The following ISM1 variants were observed in gnomAD, a reference collection of about 807,000 sequenced individuals.
The protein encoded by ISM1 is isthmin 1.
ISM1 carries 25 observed loss-of-function variants against 46.3 expected under a neutral mutation model. That is an observed-to-expected ratio of 0.54 (90% CI 0.39 to 0.75). The LOEUF is 0.75. Among genes scored for constraint, ISM1 ranks in the 30% least tolerant of loss-of-function variants. The pLI is 0.00. For missense variants in ISM1, 536 were observed against 625.4 expected, an observed-to-expected ratio of 0.86 and a Z score of 1.52; for synonymous variants, 255 against 256.7, an observed-to-expected ratio of 0.99 and a Z score of 0.06.
In ISM1 at chr20:13,242,420, T is replaced by C. The variant is rs1302889567; in HGVS notation, c.138+20506T>C. Among the ~76,000 whole-genome samples, 3 of 152,274 alleles carry C rather than the reference T, an allele frequency of 2.0e-5. No individual in the cohort carries two copies. The East Asian group carries it at 5.8e-4, about 29-fold the overall frequency. Reference sequence around the variant, plus strand: ...GGAAGAAAAAGTCAGGAGTTAGCCATGGAACCAAGAAGATCCAGGAGAAGG... The same window carrying C: ...GGAAGAAAAAGTCAGGAGTTAGCCACGGAACCAAGAAGATCCAGGAGAAGG... On this transcript the variant is annotated intron_variant, in intron 1 of 5. Coordinates refer to ENST00000262487, the MANE Select transcript of ISM1 (RefSeq NM_080826.2).
intron 1 of ISM1, among the ~76,000 whole-genome samples, chr20:13,235,103 A>C (rs969525563): frequency 3.9e-5 from 6 of 152,194 alleles, no homozygotes; most frequent in Non-Finnish European, 8.8e-5. Context: ...AACGGTCTGC[A>C]ATTATAAGCA....
Position 13,292,389 on chromosome 20 carries a change from T to A in ISM1, c.803T>A (p.Phe268Tyr), listed in dbSNP as rs1194624077. 9.4e-6 allele frequency: 15 copies of A among 1,602,942 alleles called. No individual in the cohort carries two copies. Among genetic ancestry groups the A allele is most frequent in the Non-Finnish European group, 1.3e-5 (15 of 1,174,264 alleles). ...RPNCPGIEDTFRTAATEVSLL... is the reference protein window; with the variant it reads ...RPNCPGIEDTYRTAATEVSLL... ...CTGTGTTTAGGAATTGAAGACACTT[T>A]TAGGACAGCTGCCACCGAAGTGAGT... The change falls in exon 5 of 6, where the codon TTT becomes TAT. Residue 268 changes from phenylalanine (F) to tyrosine (Y), a missense_variant. By Grantham distance (22) the Phe-to-Tyr change is conservative (BLOSUM62 3). This residue lies in a region of ISM1 where 367 missense variants were observed against 376.1 expected (regional missense o/e 0.98). Transcript: ENST00000262487.
At chr20:13,231,978 A>C (rs1337196338) in intron 1 of ISM1, among the ~76,000 whole-genome samples, 1 of 152,190 alleles carries the variant, frequency 6.6e-6, no homozygotes, top group Admixed American at 6.5e-5. Flanking sequence ...GAATGCAGAG[A>C]AGGTGGAAAT....
intron 1 of ISM1, among the ~76,000 whole-genome samples, chr20:13,240,387 G>T (rs558497875): frequency 6.6e-6 from 1 of 152,330 alleles, no homozygotes; most frequent in Non-Finnish European, 1.5e-5. Context: ...TGATGGAAAA[G>T]TGACACTTGA....
chr20:13,301,580 G>A (rs921173779), downstream of ISM1, among the ~76,000 whole-genome samples: 1 of 152,206 alleles, frequency 6.6e-6, no homozygotes, highest in Admixed American at 6.5e-5. Flanking sequence ...ATCACGGAAT[G>A]AGAAGACTTA....
intron 1 of ISM1, among the ~76,000 whole-genome samples, chr20:13,242,880 A>G (rs4814207): frequency 0.25 from 37,704 of 152,070 alleles, 4,760 homozygotes; most frequent in African/African-American, 0.3. Flanking sequence ...TTTTTGTCAT[A>G]TACTTAAATA....
rs145294428 is a variant in ISM1 at position 13,257,773 on chromosome 20, G to T, written c.139-12731G>T. Among the ~76,000 whole-genome samples, 477 of 152,048 alleles carry T rather than the reference G, an allele frequency of 3.1e-3. 4 individuals are homozygous for T. The highest frequency in any genetic ancestry group is 0.011 in the African/African-American group (451 of 41,498). On this transcript the variant is annotated intron_variant, in intron 1 of 5. Transcript: ENST00000262487. ...AAACCAAGTCAGGGAGCAGAGTTGA[G>T]AATTAAATCCACAGTGTACTGTGGG...
intron 1 of ISM1, among the ~76,000 whole-genome samples, chr20:13,223,807 G>T (rs188936346): frequency 6.6e-6 from 1 of 152,110 alleles, no homozygotes; most frequent in African/African-American, 2.4e-5. Flanking sequence ...AAGATTTCTG[G>T]AAGTTATATT....
intron 1 of ISM1, among the ~76,000 whole-genome samples, chr20:13,238,423 G>A (rs529125617): frequency 6.6e-6 from 1 of 152,264 alleles, no homozygotes; most frequent in South Asian, 2.1e-4. Flanking sequence ...CTTATTTGGA[G>A]CTGCCCTTCA....
At chr20:13,286,664 C>T (rs1383272678) in intron 3 of ISM1, among the ~76,000 whole-genome samples, 1 of 152,208 alleles carries the variant, frequency 6.6e-6, no homozygotes, top group African/African-American at 2.4e-5. Flanking sequence ...CCCCCCACCA[C>T]CCCGCTCCTC....
At chr20:13,273,053 G>A (rs2040133845) in intron 2 of ISM1, among the ~76,000 whole-genome samples, 1 of 152,128 alleles carries the variant, frequency 6.6e-6, no homozygotes, top group African/African-American at 2.4e-5. Flanking sequence ...GGATGCGGGA[G>A]AACGGAAGGC....
chr20:13,258,481 C>T (rs2039952015), intron 1 of ISM1, among the ~76,000 whole-genome samples: 1 of 152,154 alleles, frequency 6.6e-6, no homozygotes, highest in Admixed American at 6.5e-5. Flanking sequence ...TAGTTACCCA[C>T]TTGGAGGGTG....
chr20:13,302,681 C>T (rs905823417), downstream of ISM1, among the ~76,000 whole-genome samples: 1 of 152,142 alleles, frequency 6.6e-6, no homozygotes, highest in Middle Eastern at 3.2e-3. Context: ...TAAATATGAC[C>T]CCGCAGTAGC....
At chr20:13,276,182 C>G (rs1422026697) in intron 2 of ISM1, among the ~76,000 whole-genome samples, 1 of 152,184 alleles carries the variant, frequency 6.6e-6, no homozygotes, top group Non-Finnish European at 1.5e-5. Flanking sequence ...CTTTTCCTCT[C>G]TGGAAAATAC....
downstream of ISM1, among the ~76,000 whole-genome samples, chr20:13,304,669 G>A (rs1319852802): frequency 2.0e-5 from 3 of 152,156 alleles, no homozygotes; most frequent in East Asian, 1.9e-4. Context: ...TCAACTGTTT[G>A]GTGATCTTGG....
At chr20:13,315,361 TGCA>T in the ISM1 span, among the ~76,000 whole-genome samples, 3 of 151,984 alleles carry the variant, frequency 2.0e-5, no homozygotes, top group African/African-American at 7.2e-5. Context: ...ATGTTATGCT[TGCA>T]CCAATCAAAG....
the ISM1 span, among the ~76,000 whole-genome samples, chr20:13,308,105 C>T: frequency 2.0e-5 from 3 of 152,240 alleles, no homozygotes; most frequent in South Asian, 4.1e-4. Context: ...GACTACTCCA[C>T]TCTGTGATCT....
At chr20:13,289,911 T>G (rs2040334868) in intron 4 of ISM1, among the ~76,000 whole-genome samples, 1 of 152,194 alleles carries the variant, frequency 6.6e-6, no homozygotes, top group South Asian at 2.1e-4. Flanking sequence ...ACAGAAAATC[T>G]GATCCTTACA....
At chr20:13,243,388 G>T (rs1033546047) in intron 1 of ISM1, among the ~76,000 whole-genome samples, 6 of 152,118 alleles carry the variant, frequency 3.9e-5, no homozygotes, top group Non-Finnish European at 7.3e-5. Flanking sequence ...GGATGACTTG[G>T]AAATGTATTC....
Sources: gnomAD v4.1 joint callset for allele counts (sites outside exome capture counted in the v4.1 genomes callset) on GRCh38, gnomAD v4.1.1 for gene constraint, gnomAD v4.1.1 regional missense constraint, MANE v1.5 for transcripts, NCBI Gene and HGNC (gene_info 2026-07-23, HGNC 2026-07-21) for gene names.